Variants in APBB2 observed in about 807,000 individuals in gnomAD.
APBB2 encodes amyloid beta precursor protein binding family B member 2.
APBB2 carries 38 observed loss-of-function variants against 82.5 expected under a neutral mutation model. The observed-to-expected ratio is 0.46, with a 90% CI of 0.36 to 0.60. APBB2 has a LOEUF of 0.60. Ranked by LOEUF, APBB2 falls within the 20% of genes least tolerant of loss-of-function variation. The pLI, the probability that APBB2 is intolerant of heterozygous loss-of-function variation, is 0.00. For missense variants in APBB2, 772 were observed against 972.3 expected (o/e 0.79, Z 2.74); for synonymous variants, 341 against 368.2 (o/e 0.93, Z 0.85).
At chr4:41,175,376 C>T (rs1769467972) in intron 1 of APBB2, among the ~76,000 whole-genome samples, 1 of 152,086 alleles carries the variant, frequency 6.6e-6, no homozygotes, top group African/African-American at 2.4e-5. Context: ...TTTCCAACTA[C>T]ATTTATTAAA....
chr4:40,910,955 T>C (rs1004173176), intron 10 of APBB2, among the ~76,000 whole-genome samples: 1 of 152,264 alleles, frequency 6.6e-6, no homozygotes, highest in Non-Finnish European at 1.5e-5. Context: ...ATTGGAATAA[T>C]AGTAAAATTG....
At chr4:40,906,540 T>C (rs1776805730) in intron 10 of APBB2, among the ~76,000 whole-genome samples, 1 of 150,550 alleles carries the variant, frequency 6.6e-6, no homozygotes, top group South Asian at 2.1e-4. Flanking sequence ...AGTACTTAGT[T>C]AAGGGGATTT....
intron 12 of APBB2, among the ~76,000 whole-genome samples, chr4:40,863,513 T>C (rs1763282036): frequency 6.6e-6 from 1 of 152,164 alleles, no homozygotes; most frequent in Non-Finnish European, 1.5e-5. Flanking sequence ...CCACTTTGAA[T>C]AGCAAGAATC....
rs114151944 is a variant in APBB2, at chr4:40,847,368, G to T, written c.1530-16791C>A. Among the ~76,000 whole-genome samples, 978 of 152,248 alleles carry T rather than the reference G, an allele frequency of 6.4e-3. 6 individuals carry two copies. The highest frequency in any genetic ancestry group is 0.022 in the African/African-American group (903 of 41,524). On this transcript the variant is annotated intron_variant, in intron 12 of 17. Transcript: ENST00000508593. Reference sequence around the variant, plus strand: ...TCCCAGCTACTCAGGAGGCTGAGACGTGAGAATCACTGCAACCCGGGAGGT... The same window carrying T: ...TCCCAGCTACTCAGGAGGCTGAGACTTGAGAATCACTGCAACCCGGGAGGT...
chr4:40,823,804 C>T (rs778052606), intron 15 of APBB2, 45 bp from the exon 16 acceptor site: 2 of 1,278,896 alleles, frequency 1.6e-6, no homozygotes, highest in South Asian at 2.4e-5. Flanking sequence ...AAGCCACTTA[C>T]CACACTCAAA....
chr4:41,035,773 C>T (rs1464561682), intron 4 of APBB2, among the ~76,000 whole-genome samples: 1 of 152,066 alleles, frequency 6.6e-6, no homozygotes, highest in Non-Finnish European at 1.5e-5. Flanking sequence ...TATGTACAGA[C>T]TTTTTTTTCC....
intron 3 of APBB2, among the ~76,000 whole-genome samples, chr4:41,079,300 C>T (rs1736697918): frequency 6.6e-6 from 1 of 152,214 alleles, no homozygotes; most frequent in Admixed American, 6.5e-5. Context: ...TATTTCTTTG[C>T]TTAAACCATT....
rs1560913423 is a variant in APBB2, at chr4:41,159,961, G to GAAGAAGAAGAAGA, written c.-416-16820_-416-16819insTCTTCTTCTTCTT. 2.3e-3 allele frequency among the ~76,000 whole-genome samples: 73 copies of GAAGAAGAAGAAGA among 31,976 alleles called. 2 individuals carry two copies. The highest frequency in any genetic ancestry group is 3.0e-3 in the African/African-American group (29 of 9,574). 21.0% of individuals were successfully genotyped at this position (31,976 alleles called of 152,430 possible). A position where few individuals can be genotyped will look rare whatever the true frequency, so the allele number is the denominator to read the frequency against. On this transcript the variant is annotated intron_variant, in intron 1 of 17. Transcript: ENST00000508593. ...GGAGGAGGAGAAGGAGAAGGAGAAG[G>GAAGAAGAAGAAGA]AGAAGAAGAAGAAGAAGAAGAAGAA...
In APBB2 at chr4:41,048,921, A is replaced by C. The variant is rs989483361; in HGVS notation, c.-50-15617T>G. The stretch of plus-strand genomic sequence containing the variant: ...AGCTCCTAACCGTGAGTGATCTACC[A>C]GCCTCGGTGCCGGGATTGCAGACGG... On this transcript the variant is annotated intron_variant, in intron 4 of 17. Transcript: ENST00000508593. Among the ~76,000 whole-genome samples the C allele has an allele frequency of 6.6e-5, 10 of 152,218 alleles. 1 individual carries two copies. The highest frequency in any genetic ancestry group is 2.4e-4 in the African/African-American group (10 of 41,544).
chr4:41,046,628 A>T (rs1381526523), intron 4 of APBB2, among the ~76,000 whole-genome samples: 5 of 152,248 alleles, frequency 3.3e-5, no homozygotes, highest in Non-Finnish European at 7.3e-5. Context: ...AAGGAAACTA[A>T]GGAGCAAGGA....
chr4:41,080,641 G>A (rs1737246834), intron 3 of APBB2, among the ~76,000 whole-genome samples: 1 of 151,578 alleles, frequency 6.6e-6, no homozygotes, highest in African/African-American at 2.4e-5. Context: ...ACAAAAGTCA[G>A]GCTACACATC....
chr4:40,875,501 CT>C (rs1290960713), intron 12 of APBB2, among the ~76,000 whole-genome samples: 2 of 152,178 alleles, frequency 1.3e-5, no homozygotes, highest in Non-Finnish European at 2.9e-5. Flanking sequence ...TTTATTTAAG[CT>C]AATATGTCCA....
chr4:40,852,351 C>T (rs1163741023), intron 12 of APBB2, among the ~76,000 whole-genome samples: 4 of 93,988 alleles, frequency 4.3e-5, no homozygotes, highest in African/African-American at 7.6e-5. Flanking sequence ...ACTCTGTCTT[C>T]AAAAAAAAAA....
At chr4:40,978,855 T>A (rs1797809581) in intron 6 of APBB2, among the ~76,000 whole-genome samples, 1 of 152,100 alleles carries the variant, frequency 6.6e-6, no homozygotes, top group African/African-American at 2.4e-5. Context: ...TCAATACAAT[T>A]ACGGGAAACA....
chr4:40,876,123 G>C, intron 12 of APBB2, among the ~76,000 whole-genome samples: 1 of 152,176 alleles, frequency 6.6e-6, no homozygotes, highest in Non-Finnish European at 1.5e-5. Flanking sequence ...CTTTGAACTG[G>C]TGTTGGTAGC....
intron 3 of APBB2, among the ~76,000 whole-genome samples, chr4:41,086,823 T>A (rs1739867552): frequency 6.6e-6 from 1 of 151,972 alleles, no homozygotes; most frequent in Non-Finnish European, 1.5e-5. Flanking sequence ...CAGAGCAACT[T>A]GGCTAAAAAA....
At chr4:41,020,691 AAAAGTTAAC>A (rs1469551502) in intron 5 of APBB2, among the ~76,000 whole-genome samples, 1 of 152,254 alleles carries the variant, frequency 6.6e-6, no homozygotes, top group East Asian at 1.9e-4. Flanking sequence ...AAAGTTTGCT[AAAAGTTAAC>A]AGTGTAACAT....
At chr4:40,977,495 TAAAGACA>T (rs1797471737) in intron 6 of APBB2, among the ~76,000 whole-genome samples, 1 of 152,132 alleles carries the variant, frequency 6.6e-6, no homozygotes, top group Non-Finnish European at 1.5e-5. Flanking sequence ...GTATTTTTAG[TAAAGACA>T]GAGTTTCGCC....
At chr4:41,054,784 G>A (rs1265153588) in intron 4 of APBB2, among the ~76,000 whole-genome samples, 1 of 152,020 alleles carries the variant, frequency 6.6e-6, no homozygotes, top group Non-Finnish European at 1.5e-5. Context: ...GAGAAGCTTT[G>A]AGGTGCAGCT....
Sources: gnomAD v4.1 joint callset for allele counts (sites outside exome capture counted in the v4.1 genomes callset) on GRCh38, gnomAD v4.1.1 for gene constraint, MANE v1.5 for transcripts, NCBI Gene and HGNC (gene_info 2026-07-23, HGNC 2026-07-21) for gene names.